Variants in ABHD3 observed in about 807,000 individuals in gnomAD.
ABHD3 encodes abhydrolase domain containing 3, phospholipase.
Under a neutral mutation model 48.8 loss-of-function variants are expected in ABHD3, and 46 were observed. The ratio of observed to expected loss-of-function variants is 0.94; its 90% CI spans 0.74 to 1.20. ABHD3 has a LOEUF of 1.20. Ranked by LOEUF, ABHD3 falls within the 50% of genes most tolerant of loss-of-function variation. The pLI, the probability that ABHD3 is intolerant of heterozygous loss-of-function variation, is 0.00. For synonymous variants in ABHD3, 192 were observed against 183.7 expected (o/e 1.04, Z -0.36); for missense variants, 490 against 497.8 (o/e 0.98, Z 0.15).
At chr18:21,670,035 C>T (rs1318279632) in intron 4 of ABHD3, among the ~76,000 whole-genome samples, 2 of 152,124 alleles carry the variant, frequency 1.3e-5, no homozygotes, top group Non-Finnish European at 2.9e-5. Flanking sequence ...GACTCAAGTC[C>T]TTGGGATAGT....
chr18:21,670,207 T>C (rs1824983425), intron 4 of ABHD3, among the ~76,000 whole-genome samples: 1 of 152,094 alleles, frequency 6.6e-6, no homozygotes, highest in Non-Finnish European at 1.5e-5. Flanking sequence ...CAGGCTCCGA[T>C]GGCTAGAGAA....
At chr18:21,655,406 C>T (rs978088569) in intron 8 of ABHD3, among the ~76,000 whole-genome samples, 3 of 151,778 alleles carry the variant, frequency 2.0e-5, no homozygotes, top group African/African-American at 7.3e-5. Context: ...CCTGCCTCAG[C>T]CTCCCAAGTA....
intron 4 of ABHD3, among the ~76,000 whole-genome samples, chr18:21,676,429 T>C (rs530491656): frequency 6.6e-6 from 1 of 152,250 alleles, no homozygotes; most frequent in Non-Finnish European, 1.5e-5. Context: ...TCTTGCTCTG[T>C]AGCCCAGGCT....
chr18:21,663,486 A>G (rs2039548946), intron 5 of ABHD3, among the ~76,000 whole-genome samples: 1 of 152,036 alleles, frequency 6.6e-6, no homozygotes, highest in Non-Finnish European at 1.5e-5. Flanking sequence ...CCCAAAAACA[A>G]TTAGTAGAAA....
rs1299059673 is a variant in ABHD3, at chr18:21,659,243, ACTC to A, written c.766_768del (p.Glu256del). The A allele has an allele frequency of 6.2e-7, 1 of 1,613,734 alleles. No individual in the cohort carries two copies. Among genetic ancestry groups the A allele is most frequent in the Non-Finnish European group, 8.5e-7 (1 of 1,179,948 alleles). On this transcript the variant is annotated inframe_deletion, in exon 6 of 9. Transcript: ENST00000289119. ...AGCCAGTTCAGTGGTTTTTCCAATG[ACTC>A]TGAGCAAGCGAAGGTGTTCCAACCA...
intron 5 of ABHD3, among the ~76,000 whole-genome samples, chr18:21,660,147 ATT>A (rs1303103294): frequency 2.4e-5 from 2 of 83,818 alleles, no homozygotes; most frequent in African/African-American, 1.5e-4. Flanking sequence ...AAAAAAAAAA[ATT>A]TTTTTTTTTT....
rs956373983 is a variant in ABHD3 at position 21,664,186 on chromosome 18, T to C, written c.600A>G (p.Thr200=). 6.2e-7 allele frequency: 1 copy of C among 1,614,012 alleles called. No homozygotes were observed. Among genetic ancestry groups the C allele is most frequent in the Non-Finnish European group, 8.5e-7 (1 of 1,180,022 alleles). The change falls in exon 5 of 9, where the codon ACA becomes ACG. Residue 200 remains threonine, a synonymous_variant. Transcript: ENST00000289119. ...ACAGGCTGTGTACATGGTGAATAAC[T>C]GTCTCCAAGTCTTCAGTGTTAGCAC... ...YCCANTEDLE[T]VIHHVHSLYP...
intron 4 of ABHD3, among the ~76,000 whole-genome samples, chr18:21,666,272 C>T (rs908969903): frequency 2.0e-5 from 3 of 152,180 alleles, no homozygotes; most frequent in African/African-American, 7.2e-5. Context: ...TGGCTCACTG[C>T]AACCTCTGCC....
At chr18:21,681,815 C>T (rs544483554) in intron 4 of ABHD3, among the ~76,000 whole-genome samples, 1 of 152,228 alleles carries the variant, frequency 6.6e-6, no homozygotes, top group South Asian at 2.1e-4. Flanking sequence ...TCCTAACCTA[C>T]CAGTGTCTTG....
chr18:21,689,370 G>A (rs2040193771), intron 3 of ABHD3, among the ~76,000 whole-genome samples: 1 of 151,818 alleles, frequency 6.6e-6, no homozygotes, highest in African/African-American at 2.4e-5. Flanking sequence ...CCAACGTAGT[G>A]AAACACTGTC....
At chr18:21,696,723 A>G (rs1468822483) in intron 3 of ABHD3, among the ~76,000 whole-genome samples, 1 of 150,996 alleles carries the variant, frequency 6.6e-6, no homozygotes, top group African/African-American at 2.5e-5. Context: ...ATTCATTGTT[A>G]TTATTTAGTT....
At chr18:21,679,890 TC>T (rs2039968898) in intron 4 of ABHD3, among the ~76,000 whole-genome samples, 1 of 151,760 alleles carries the variant, frequency 6.6e-6, no homozygotes, top group African/African-American at 2.4e-5. Flanking sequence ...GCCAGGCTGG[TC>T]TTGAACTCCT....
At chr18:21,684,999 G>C (rs188354765) in intron 3 of ABHD3, among the ~76,000 whole-genome samples, 1 of 152,190 alleles carries the variant, frequency 6.6e-6, no homozygotes, top group Non-Finnish European at 1.5e-5. Context: ...AATGGTAGTT[G>C]TAGTGTCGTG....
At chr18:21,690,292 A>G (rs1242224816) in intron 3 of ABHD3, among the ~76,000 whole-genome samples, 1 of 151,930 alleles carries the variant, frequency 6.6e-6, no homozygotes, top group Admixed American at 6.6e-5. Context: ...TTGTGAAACA[A>G]TATAAAAAAA....
chr18:21,672,307 G>C (rs2146301870), intron 4 of ABHD3, among the ~76,000 whole-genome samples: 1 of 152,326 alleles, frequency 6.6e-6, no homozygotes, highest in South Asian at 2.1e-4. Flanking sequence ...TGCAGTGGAA[G>C]CCATAACTCA....
At chr18:21,674,334 T>A (rs1049726339) in intron 4 of ABHD3, among the ~76,000 whole-genome samples, 1 of 151,766 alleles carries the variant, frequency 6.6e-6, no homozygotes, top group Non-Finnish European at 1.5e-5. Context: ...CTCAACCTCC[T>A]GGGCTCAAGC....
chr18:21,654,019 ATT>A (rs1192023435), intron 8 of ABHD3, among the ~76,000 whole-genome samples: 2 of 139,884 alleles, frequency 1.4e-5, no homozygotes, highest in Non-Finnish European at 1.6e-5. Context: ...CTAATTTTGT[ATT>A]TTTTTTTTTT....
intron 8 of ABHD3, among the ~76,000 whole-genome samples, chr18:21,654,148 G>A (rs1039436812): frequency 6.6e-6 from 1 of 151,852 alleles, no homozygotes; most frequent in African/African-American, 2.4e-5. Context: ...CACTTCGCTC[G>A]GCCTGACTGC....
rs35710540 is a variant in ABHD3 at position 21,661,102 on chromosome 18, TAAAAAAA to T, written c.669-1766_669-1760del. 1.0e-4 allele frequency among the ~76,000 whole-genome samples: 6 copies of T among 57,216 alleles called. No homozygotes were observed. In the South Asian group the frequency reaches 3.3e-3, roughly 31 times the overall value. The allele number at this position is 57,216 out of a possible 152,430, so 37.5% of individuals were successfully genotyped here. ...TCACCAAAAGAAAAAAACTACAAGC[TAAAAAAA>T]AAAAAAAAAAAAAAAAAGAGAAATA... is the stretch of plus-strand genomic sequence containing the variant. On this transcript the variant is annotated intron_variant, in intron 5 of 8. Transcript: ENST00000289119.
Sources: allele counts gnomAD v4.1 joint callset (sites outside exome capture counted in the v4.1 genomes callset), GRCh38; gene constraint gnomAD v4.1.1; transcripts MANE v1.5; gene names NCBI Gene and HGNC (gene_info 2026-07-23, HGNC 2026-07-21).